ZC3H12B: variants seen among roughly 807,000 people sequenced by gnomAD.
ZC3H12B encodes the protein probable ribonuclease ZC3H12B.
In ZC3H12B, 7 loss-of-function variants were observed where a neutral mutation model predicts 43.9. That is an observed-to-expected ratio of 0.16 (90% CI 0.09 to 0.30). ZC3H12B has a LOEUF of 0.30. Among genes scored for constraint, ZC3H12B ranks in the 10% least tolerant of loss-of-function variants. The pLI, the probability that ZC3H12B is intolerant of heterozygous loss-of-function variation, is 1.00. For synonymous variants in ZC3H12B, 222 were observed against 241.7 expected (o/e 0.92, Z 0.76); for missense variants, 475 against 670.2 (o/e 0.71, Z 3.22).
chrX:65,331,405 T>G, the ZC3H12B span, among the ~76,000 whole-genome samples: 1 of 111,324 alleles, frequency 9.0e-6, no homozygotes, highest in Non-Finnish European at 1.9e-5. Flanking sequence ...AAATGTTGTA[T>G]ATTCTCATTT....
At chrX:65,122,366 G>A in the ZC3H12B span, among the ~76,000 whole-genome samples, 369 of 111,050 alleles carry the variant, frequency 3.3e-3, no homozygotes, top group Non-Finnish European at 5.6e-3. Flanking sequence ...GGCCTGCCCT[G>A]AAAGAGCTCC....
At chrX:65,385,518 G>C (rs1403018554) in intron 2 of ZC3H12B, among the ~76,000 whole-genome samples, 1 of 112,377 alleles carries the variant, frequency 8.9e-6, no homozygotes. Context: ...AGAGTTTGCT[G>C]AAGTTGCATA....
upstream of ZC3H12B, among the ~76,000 whole-genome samples, chrX:65,488,167 G>A (rs1392676398): frequency 9.0e-6 from 1 of 111,246 alleles, no homozygotes; most frequent in East Asian, 2.8e-4. Context: ...CACTGTGCCC[G>A]GCCCGCATGT....
chrX:65,229,025 A>T, the ZC3H12B span, among the ~76,000 whole-genome samples: 1 of 111,302 alleles, frequency 9.0e-6, no homozygotes. Context: ...CAGAATTGGA[A>T]AAAACTACTT....
chrX:65,335,732 G>C, the ZC3H12B span, among the ~76,000 whole-genome samples: 1 of 111,848 alleles, frequency 8.9e-6, no homozygotes, highest in Admixed American at 9.5e-5. Context: ...TTCCGAGAGA[G>C]AGCCTAGAGC....
intron 2 of ZC3H12B, among the ~76,000 whole-genome samples, chrX:65,378,158 A>C (rs915182548): frequency 9.0e-6 from 1 of 111,576 alleles, no homozygotes; most frequent in Admixed American, 9.6e-5. Context: ...AGCACAAAGG[A>C]AAATTCAAAA....
chrX:65,195,649 C>T, the ZC3H12B span, among the ~76,000 whole-genome samples: 1 of 112,364 alleles, frequency 8.9e-6, no homozygotes, highest in Non-Finnish European at 1.9e-5. Context: ...CTTGGAATGC[C>T]TGAGAGTTTG....
chrX:65,409,295 T>TA (rs879024449), intron 3 of ZC3H12B, among the ~76,000 whole-genome samples: 9 of 108,777 alleles, frequency 8.3e-5, no homozygotes, highest in Non-Finnish European at 1.7e-4. Flanking sequence ...GAAAAAAAAA[T>TA]AAAAAAAATA....
At chrX:65,272,462 A>T in the ZC3H12B span, 1 of 111,728 alleles carries the variant, frequency 9.0e-6, no homozygotes, top group Non-Finnish European at 1.9e-5. Flanking sequence ...TGACTAATTC[A>T]CTACTAACAT....
chrX:65,143,011 G>A, the ZC3H12B span, among the ~76,000 whole-genome samples: 1 of 110,549 alleles, frequency 9.0e-6, no homozygotes, highest in Non-Finnish European at 1.9e-5. Context: ...AAAAATTTTA[G>A]AATTTTTTTT....
At chrX:65,235,039 C>T in the ZC3H12B span, among the ~76,000 whole-genome samples, 1 of 111,919 alleles carries the variant, frequency 8.9e-6, no homozygotes, top group African/African-American at 3.2e-5. Flanking sequence ...TTCTTTTTGG[C>T]TACATAGTAT....
the ZC3H12B span, among the ~76,000 whole-genome samples, chrX:65,237,983 T>A: frequency 9.0e-6 from 1 of 111,713 alleles, no homozygotes; most frequent in East Asian, 2.8e-4. Context: ...TATTGAGGAT[T>A]TTTGCATTGA....
chrX:65,225,361 C>G, the ZC3H12B span, among the ~76,000 whole-genome samples: 6 of 112,051 alleles, frequency 5.4e-5, no homozygotes, highest in Admixed American at 4.7e-4. Context: ...ACATCCACAC[C>G]AAAAACCATG....
chrX:65,200,976 A>C, the ZC3H12B span, among the ~76,000 whole-genome samples: 1 of 111,381 alleles, frequency 9.0e-6, no homozygotes, highest in East Asian at 2.8e-4. Context: ...ATCGATGTTC[A>C]TCAAGGATGT....
rs1301955345 is a variant in ZC3H12B, at chrX:65,390,687, C to A, written n.296-7906C>A. Among the ~76,000 whole-genome samples the A allele has an allele frequency of 2.9e-5, 3 of 103,465 alleles. No homozygotes were observed. In the East Asian group the frequency reaches 9.6e-4, roughly 33 times the overall value. 89.8% of individuals were successfully genotyped at this position (103,465 alleles called of 115,157 possible). ...TTCTAGACCATTAAAAATATATCAA[C>A]AAACACCAGACATAATCGGCACTAT... is the stretch of plus-strand genomic sequence containing the variant. On this transcript the variant is annotated intron_variant and non_coding_transcript_variant, in intron 2 of 5. Transcript: ENST00000617377.
chrX:65,460,354 G>T (rs1203800813), intron 3 of ZC3H12B, among the ~76,000 whole-genome samples: 2 of 111,564 alleles, frequency 1.8e-5, no homozygotes. Context: ...ATTGGAAAAA[G>T]CTACTTTAAA....
Position 65,408,220 on chromosome X carries a change from A to C in ZC3H12B, n.407+9516A>C, listed in dbSNP as rs778943226. ...CGCAGTATCACAGCCTTAAATTGGA[A>C]TGTGAGTAACCGGCAAGTGAAAAGA... is the stretch of plus-strand genomic sequence containing the variant. On this transcript the variant is annotated intron_variant and non_coding_transcript_variant, in intron 3 of 5. Transcript: ENST00000617377. The C allele has an allele frequency of 6.9e-5, 82 of 1,185,996 alleles. No individual in the cohort carries two copies. In the African/African-American group the frequency reaches 1.3e-3, roughly 19 times the overall value.
the ZC3H12B span, among the ~76,000 whole-genome samples, chrX:65,042,331 G>A: frequency 1.8e-5 from 2 of 112,768 alleles, no homozygotes; most frequent in African/African-American, 6.4e-5. Flanking sequence ...GAGTATTCAT[G>A]TAACAGTTTT....
intron 3 of ZC3H12B, among the ~76,000 whole-genome samples, chrX:65,407,550 G>T (rs1031001688): frequency 5.3e-5 from 6 of 113,602 alleles, no homozygotes; most frequent in Non-Finnish European, 9.4e-5. Flanking sequence ...CGAAAGCGTC[G>T]GGTTTGTGTG....
Sources: gnomAD v4.1 joint callset for allele counts (sites outside exome capture counted in the v4.1 genomes callset) on GRCh38, gnomAD v4.1.1 for gene constraint, MANE v1.5 for transcripts, NCBI Gene and HGNC (gene_info 2026-07-23, HGNC 2026-07-21) for gene names.